SNTG2: variants seen among roughly 807,000 people sequenced by gnomAD.
SNTG2 encodes the protein syntrophin gamma 2.
SNTG2 carries 74 observed loss-of-function variants against 70.9 expected under a neutral mutation model. The ratio of observed to expected loss-of-function variants is 1.04; its 90% CI spans 0.86 to 1.27. SNTG2 has a LOEUF of 1.27. SNTG2 is among the 50% of genes most tolerant of loss of function. The pLI is 0.00. For missense variants in SNTG2, 717 were observed against 690.7 expected, an observed-to-expected ratio of 1.04 and a Z score of -0.43; for synonymous variants, 278 against 273.8, an observed-to-expected ratio of 1.02 and a Z score of -0.15.
intron 1 of SNTG2, among the ~76,000 whole-genome samples, chr2:963,549 T>G (rs1276655792): frequency 1.3e-5 from 2 of 152,176 alleles, no homozygotes; most frequent in African/African-American, 4.8e-5. Context: ...ATGTTCTTAT[T>G]GAAATAACAT....
intron 13 of SNTG2, 59 bp from the exon 14 acceptor site, chr2:1,267,306 C>T: frequency 6.7e-7 from 1 of 1,491,948 alleles, no homozygotes; most frequent in Non-Finnish European, 9.1e-7. Context: ...CACCAGGGCC[C>T]TCAGCATGGG....
chr2:1,222,526 C>A (rs1572780072), intron 9 of SNTG2, among the ~76,000 whole-genome samples: 1 of 127,670 alleles, frequency 7.8e-6, no homozygotes, highest in Non-Finnish European at 1.7e-5. Context: ...GTCCTGCCTG[C>A]TGCTGGAGGT....
chr2:1,180,680 A>G (rs1271355227), intron 8 of SNTG2, among the ~76,000 whole-genome samples: 1 of 150,664 alleles, frequency 6.6e-6, no homozygotes, highest in African/African-American at 2.4e-5. Context: ...GGGATCTAGA[A>G]CTAGAAATAC....
At chr2:1,208,365 G>A (rs1673800164) in intron 8 of SNTG2, among the ~76,000 whole-genome samples, 1 of 149,018 alleles carries the variant, frequency 6.7e-6, no homozygotes, top group African/African-American at 2.5e-5. Flanking sequence ...GCCGGTCGCT[G>A]GGGCGGCAGC....
At chr2:1,221,489 G>C (rs1327968502) in intron 9 of SNTG2, among the ~76,000 whole-genome samples, 1 of 42,070 alleles carries the variant, frequency 2.4e-5, no homozygotes. Context: ...CTCTCTCTCT[G>C]TCTCTCTCTG....
At chr2:999,981 C>A (rs1043866088) in intron 1 of SNTG2, among the ~76,000 whole-genome samples, 1 of 151,878 alleles carries the variant, frequency 6.6e-6, no homozygotes, top group African/African-American at 2.4e-5. Context: ...AAGAGAAACT[C>A]CCCAAACTAT....
At chr2:1,093,885 G>C (rs1276384691) in intron 2 of SNTG2, among the ~76,000 whole-genome samples, 2 of 122,220 alleles carry the variant, frequency 1.6e-5, no homozygotes, top group Non-Finnish European at 1.7e-5. Flanking sequence ...CTGTGGGTTT[G>C]GTTACTGGCA....
chr2:1,329,226 A>T (rs1681887737), intron 16 of SNTG2, among the ~76,000 whole-genome samples: 2 of 152,138 alleles, frequency 1.3e-5, no homozygotes, highest in Non-Finnish European at 2.9e-5. Flanking sequence ...CTCTGAGTAA[A>T]TGGTTTTATT....
intron 1 of SNTG2, among the ~76,000 whole-genome samples, chr2:973,809 C>G (rs565370637): frequency 6.6e-6 from 1 of 152,254 alleles, no homozygotes; most frequent in African/African-American, 2.4e-5. Flanking sequence ...GTCTAGCAAG[C>G]CCCATGGAAG....
chr2:1,367,553 G>A lies in SNTG2; in HGVS notation c.*79G>A, dbSNP rs2148328432. ...CTTTCCTGCAGAATATTGCAACTTT[G>A]TGTTGTTTTATGATGAGCCTATAGT... On this transcript the variant is annotated 3_prime_UTR_variant, in exon 17 of 17. Transcript: ENST00000308624. 4.0e-6 allele frequency: 6 copies of A among 1,497,436 alleles called. No homozygotes were observed. Among genetic ancestry groups the A allele is most frequent in the East Asian group, 2.5e-5 (1 of 40,446 alleles). 92.8% of individuals were successfully genotyped at this position (1,497,436 alleles called of 1,614,324 possible). A position where few individuals can be genotyped will look rare whatever the true frequency, so the allele number is the denominator to read the frequency against.
intron 6 of SNTG2, 108 bp from the exon 7 acceptor site, chr2:1,165,440 T>G (rs1173730991): frequency 9.3e-7 from 1 of 1,074,922 alleles, no homozygotes; most frequent in African/African-American, 1.6e-5. Flanking sequence ...GAGGTAACTA[T>G]GAACTTTGAA....
At chr2:1,045,235 A>C (rs956257519) in intron 1 of SNTG2, among the ~76,000 whole-genome samples, 1 of 151,648 alleles carries the variant, frequency 6.6e-6, no homozygotes, top group Non-Finnish European at 1.5e-5. Context: ...AGATAGTGGT[A>C]ATGTCCCCTT....
intron 1 of SNTG2, among the ~76,000 whole-genome samples, chr2:990,367 T>G (rs995702932): frequency 6.6e-6 from 1 of 152,170 alleles, no homozygotes; most frequent in Non-Finnish European, 1.5e-5. Context: ...TTCAACAGAT[T>G]CTGGAGGCTA....
chr2:1,119,700 T>A (rs1373510834), intron 4 of SNTG2, among the ~76,000 whole-genome samples: 1 of 151,174 alleles, frequency 6.6e-6, no homozygotes, highest in East Asian at 1.9e-4. Context: ...AATAAAGGAA[T>A]CAAAGCTGAG....
At chr2:1,199,204 C>T (rs1448772050) in intron 8 of SNTG2, among the ~76,000 whole-genome samples, 2 of 95,302 alleles carry the variant, frequency 2.1e-5, no homozygotes, top group Non-Finnish European at 4.5e-5. Context: ...AGATTCATCC[C>T]AGAGATGGAA....
chr2:1,145,216 A>G (rs1349014750), intron 6 of SNTG2, among the ~76,000 whole-genome samples: 6 of 152,182 alleles, frequency 3.9e-5, no homozygotes, highest in South Asian at 2.1e-4. Context: ...TTTAAACCCA[A>G]TGTAAGTAGA....
intron 16 of SNTG2, among the ~76,000 whole-genome samples, chr2:1,323,918 C>T (rs910209612): frequency 1.3e-5 from 2 of 150,282 alleles, no homozygotes; most frequent in Non-Finnish European, 3.0e-5. Context: ...ATTGCTGAGA[C>T]CTCCCCAACC....
intron 16 of SNTG2, among the ~76,000 whole-genome samples, chr2:1,347,512 A>G (rs566330692): frequency 4.4e-4 from 67 of 152,234 alleles, no homozygotes; most frequent in South Asian, 2.1e-3. Context: ...AGACCACAAC[A>G]TCATCTCTCA....
At chr2:1,115,709 G>C (rs1572476795) in intron 4 of SNTG2, among the ~76,000 whole-genome samples, 1 of 117,180 alleles carries the variant, frequency 8.5e-6, no homozygotes, top group African/African-American at 2.8e-5. Context: ...GAGAAGGATC[G>C]TGTGTACTAA....
Sources: gnomAD v4.1 joint callset for allele counts (sites outside exome capture counted in the v4.1 genomes callset) on GRCh38, gnomAD v4.1.1 for gene constraint, MANE v1.5 for transcripts, NCBI Gene and HGNC (gene_info 2026-07-23, HGNC 2026-07-21) for gene names.